ZNF471: variants seen among roughly 807,000 people sequenced by gnomAD.
The protein encoded by ZNF471 is zinc finger protein 471.
Under a neutral mutation model 13.7 loss-of-function variants are expected in ZNF471, and 7 were observed. The observed-to-expected ratio is 0.51, with a 90% CI of 0.29 to 0.96. ZNF471 has a LOEUF of 0.96. Ranked by LOEUF, ZNF471 falls within the 40% of genes least tolerant of loss-of-function variation. The pLI is 0.08. For missense variants in ZNF471, 663 were observed against 743.3 expected (o/e 0.89, Z 1.26); for synonymous variants, 218 against 235.6 (o/e 0.93, Z 0.68).
intron 3 of ZNF471, among the ~76,000 whole-genome samples, 196 bp from the exon 4 acceptor site, chr19:56,518,286 A>C (rs2043920987): frequency 6.6e-6 from 1 of 152,098 alleles, no homozygotes; most frequent in Non-Finnish European, 1.5e-5. Context: ...CAAGCCCCTC[A>C]TAAAATAGTT....
chr19:56,524,263 A>G lies in ZNF471; in HGVS notation c.257-61A>G. ...ATATTTTTAAATTACCTTTTTCACA[A>G]TGTCTCCTTTGTTGTAGCCCATGAT... is the stretch of plus-strand genomic sequence containing the variant. On this transcript the variant is annotated intron_variant, in intron 4 of 4. Transcript: ENST00000308031. This position sits in a 1 kb window ranked among gnomAD's most constrained non-coding sequence, Gnocchi z 4.8. 6 of 1,155,194 alleles carry G rather than the reference A, an allele frequency of 5.2e-6. No individual in the cohort carries two copies. Among genetic ancestry groups the G allele is most frequent in the East Asian group, 2.5e-5 (1 of 40,244 alleles). The allele number at this position is 1,155,194 out of a possible 1,614,324, so 71.6% of individuals were successfully genotyped here.
intron 1 of ZNF471, chr19:56,509,785 TTTGTG>T (rs1568470681): frequency 4.6e-6 from 4 of 869,434 alleles, no homozygotes; most frequent in Non-Finnish European, 5.5e-6. Context: ...TTAGAACTGT[TTTGTG>T]TTGTGTGAGT....
rs1217877195 is a variant in ZNF471, at chr19:56,510,174, G to T, written c.-55-1343G>T. ...AGAGTGACCAGTATGTATTTTGTGT[G>T]CATGAGATAAAGCAGTTGGAATATG... On this transcript the variant is annotated intron_variant, in intron 1 of 4. Coordinates refer to ENST00000308031, the MANE Select transcript of ZNF471 (RefSeq NM_020813.4). This position sits in a 1 kb window ranked among gnomAD's most constrained non-coding sequence, Gnocchi z 4.3. 3.0e-6 allele frequency: 3 copies of T among 985,498 alleles called. No homozygotes were observed. The highest frequency in any genetic ancestry group is 5.2e-4 in the Middle Eastern group (1 of 1,916). 61.0% of individuals were successfully genotyped at this position (985,498 alleles called of 1,614,324 possible).
chr19:56,512,393 T>G (rs972245957), intron 2 of ZNF471, among the ~76,000 whole-genome samples: 3 of 151,976 alleles, frequency 2.0e-5, no homozygotes, highest in Non-Finnish European at 4.4e-5. Context: ...TTAGACTTGA[T>G]TTTTGTGGTT....
At chr19:56,523,986 A>G (rs2147927642) in intron 4 of ZNF471, among the ~76,000 whole-genome samples, 1 of 152,032 alleles carries the variant, frequency 6.6e-6, no homozygotes, top group East Asian at 1.9e-4. Context: ...ACCATGCTTG[A>G]CTAATTTTTG....
intron 4 of ZNF471, among the ~76,000 whole-genome samples, chr19:56,519,700 C>G (rs73629926): frequency 0.022 from 3,421 of 152,298 alleles, 115 homozygotes; most frequent in African/African-American, 0.076. Context: ...TTTCCCGTGT[C>G]CTCCAAATAC....
intron 2 of ZNF471, among the ~76,000 whole-genome samples, chr19:56,515,459 G>T (rs931566693): frequency 8.6e-5 from 13 of 152,030 alleles, no homozygotes; most frequent in Admixed American, 7.9e-4. Context: ...TTTCCTAAAG[G>T]TATGTATATC....
At position 56,510,816 on chromosome 19, in the gene ZNF471, C is replaced by T; in HGVS notation, c.-55-701C>T. ...TGGAATAGAATTCCTGTCCCCAGTC[C>T]AAGGGTTTCAGTAAGAAGCAAAGCT... On this transcript the variant is annotated intron_variant, in intron 1 of 4. Transcript: ENST00000308031. The surrounding 1 kb of genome is among the most constrained non-coding windows in gnomAD (Gnocchi z 4.3). The T allele has an allele frequency of 1.0e-6, 1 of 985,394 alleles. No homozygotes were observed. The highest frequency in any genetic ancestry group is 1.2e-6 in the Non-Finnish European group (1 of 829,958). The allele number at this position is 985,394 out of a possible 1,614,324, so 61.0% of individuals were successfully genotyped here. A position where few individuals can be genotyped will look rare whatever the true frequency, so the allele number is the denominator to read the frequency against.
intron 1 of ZNF471, chr19:56,509,890 G>A: frequency 2.0e-6 from 2 of 985,386 alleles, no homozygotes; most frequent in African/African-American, 3.5e-5. Context: ...TGAGACCAGG[G>A]TATATCAATG....
Position 56,510,088 on chromosome 19 carries a change from G to A in ZNF471, c.-55-1429G>A. The A allele has an allele frequency of 1.0e-6, 1 of 985,544 alleles. No homozygotes were observed. Among genetic ancestry groups the A allele is most frequent in the Non-Finnish European group, 1.2e-6 (1 of 829,986 alleles). 61.0% of individuals were successfully genotyped at this position (985,544 alleles called of 1,614,324 possible). ...ATGGGTATGTGAGAGACTAGAGTATGTCTCTGTCTGGACTGGTAGGTTGTG... is the reference window on the plus strand; with the variant it reads ...ATGGGTATGTGAGAGACTAGAGTATATCTCTGTCTGGACTGGTAGGTTGTG... On this transcript the variant is annotated intron_variant, in intron 1 of 4. Transcript: ENST00000308031. This position sits in a 1 kb window ranked among gnomAD's most constrained non-coding sequence, Gnocchi z 4.3.
rs1274962212 is a variant in ZNF471 at position 56,525,103 on chromosome 19, T to C, written c.1036T>C (p.Tyr346His). The part of the protein sequence containing the change: ...HQRCHTGKRP[Y>H]ECIECGKAFR... ...GAGATGTCACACTGGCAAAAGACCC[T>C]ATGAATGTATTGAGTGTGGGAAGGC... Residue 346 changes from tyrosine (Y) to histidine (H), a missense_variant, in exon 5 of 5, where the codon TAT becomes CAT. Physicochemically the swap from Tyr to His is moderately conservative, Grantham distance 83. Coordinates refer to ENST00000308031, the MANE Select transcript of ZNF471 (RefSeq NM_020813.4). 2 of 1,614,140 alleles carry C rather than the reference T, an allele frequency of 1.2e-6. No homozygotes were observed. Among genetic ancestry groups the C allele is most frequent in the Admixed American group, 3.3e-5 (2 of 60,026 alleles).
intron 2 of ZNF471, among the ~76,000 whole-genome samples, chr19:56,514,278 G>A (rs1203669445): frequency 6.6e-6 from 1 of 151,908 alleles, no homozygotes; most frequent in Admixed American, 6.6e-5. Flanking sequence ...TCCTTGCCAT[G>A]CTATGTAGGC....
rs189380840 is a variant in ZNF471 at position 56,527,173 on chromosome 19, G to A, written c.*1225G>A. On this transcript the variant is annotated 3_prime_UTR_variant, in exon 5 of 5. Coordinates refer to ENST00000308031, the MANE Select transcript of ZNF471 (RefSeq NM_020813.4). ...TCTTTGCTGTTCTGCAGCCTCCACCGGTGATACCCAGGCAGATATGGTCTG... is the reference window on the plus strand; with the variant it reads ...TCTTTGCTGTTCTGCAGCCTCCACCAGTGATACCCAGGCAGATATGGTCTG... 2.7e-4 allele frequency: 42 copies of A among 157,318 alleles called. No individual in the cohort carries two copies. The highest frequency in any genetic ancestry group is 8.5e-4 in the Admixed American group (13 of 15,372). The allele number at this position is 157,318 out of a possible 1,614,324, so 9.7% of individuals were successfully genotyped here. A position where few individuals can be genotyped will look rare whatever the true frequency, so the allele number is the denominator to read the frequency against.
At chr19:56,513,481 G>A (rs547327246) in intron 2 of ZNF471, among the ~76,000 whole-genome samples, 1 of 148,078 alleles carries the variant, frequency 6.8e-6, no homozygotes, top group African/African-American at 2.4e-5. Flanking sequence ...TGTTTTATAT[G>A]TCACTTATGC....
In ZNF471 at chr19:56,522,484, T is replaced by C. The variant is rs2043986938; in HGVS notation, c.257-1840T>C. On this transcript the variant is annotated intron_variant, in intron 4 of 4. Coordinates refer to ENST00000308031, the MANE Select transcript of ZNF471 (RefSeq NM_020813.4). The surrounding 1 kb of genome is among the most constrained non-coding windows in gnomAD (Gnocchi z 4.1). ...TTTTCAAGAACAATTCCTTCATTAC[T>C]TTGATATCACAAATGCTTAGTGCAT... Among the ~76,000 whole-genome samples, 1 of 152,238 alleles carries C rather than the reference T, an allele frequency of 6.6e-6. No individual in the cohort carries two copies. The highest frequency in any genetic ancestry group is 2.4e-5 in the African/African-American group (1 of 41,462).
chr19:56,518,659 G>C, intron 4 of ZNF471, 82 bp downstream of exon 4: 1 of 1,176,760 alleles, frequency 8.5e-7, no homozygotes, highest in Non-Finnish European at 1.2e-6. Context: ...TCTCACTTAT[G>C]CATCTCAGAA....
chr19:56,526,025 A>G lies in ZNF471; in HGVS notation c.*77A>G. 7.1e-7 allele frequency: 1 copy of G among 1,404,086 alleles called. No homozygotes were observed. The highest frequency in any genetic ancestry group is 9.6e-7 in the Non-Finnish European group (1 of 1,045,842). 87.0% of individuals were successfully genotyped at this position (1,404,086 alleles called of 1,614,324 possible). On this transcript the variant is annotated 3_prime_UTR_variant, in exon 5 of 5. Coordinates refer to ENST00000308031, the MANE Select transcript of ZNF471 (RefSeq NM_020813.4). ...AATCAGAGATGTCCCACTGGATAAAAAACATATAAATGTAAGAAATGTAGA... is the reference window on the plus strand; with the variant it reads ...AATCAGAGATGTCCCACTGGATAAAGAACATATAAATGTAAGAAATGTAGA...
At chr19:56,511,245 A>G (rs2043807464) in intron 1 of ZNF471, among the ~76,000 whole-genome samples, 1 of 151,938 alleles carries the variant, frequency 6.6e-6, no homozygotes, top group African/African-American at 2.4e-5. Context: ...ATTTTATAGG[A>G]TTATTTGAAA....
rs1209198833 is a variant in ZNF471 at position 56,526,049 on chromosome 19, G to GA, written c.*106dup. On this transcript the variant is annotated 3_prime_UTR_variant, in exon 5 of 5. Coordinates refer to ENST00000308031, the MANE Select transcript of ZNF471 (RefSeq NM_020813.4). The stretch of plus-strand genomic sequence containing the variant: ...AAAACATATAAATGTAAGAAATGTA[G>GA]AAAAACCTTCAGCCAGGAGGCTGGC... 2 of 1,309,706 alleles carry GA rather than the reference G, an allele frequency of 1.5e-6. No individual in the cohort carries two copies. Among genetic ancestry groups the GA allele is most frequent in the Admixed American group, 2.5e-5 (1 of 39,216 alleles). 81.1% of individuals were successfully genotyped at this position (1,309,706 alleles called of 1,614,324 possible). A position where few individuals can be genotyped will look rare whatever the true frequency, so the allele number is the denominator to read the frequency against.
Sources: gnomAD v4.1 joint callset for allele counts (sites outside exome capture counted in the v4.1 genomes callset) on GRCh38, gnomAD v4.1.1 for gene constraint, Gnocchi (gnomAD v3.1) non-coding constraint, MANE v1.5 for transcripts, NCBI Gene and HGNC (gene_info 2026-07-23, HGNC 2026-07-21) for gene names.